Variants in ERC1 observed in about 807,000 individuals in gnomAD.
The protein encoded by ERC1 is RAB6 interacting protein 2.
Under a neutral mutation model 132.0 loss-of-function variants are expected in ERC1, and 56 were observed. The ratio of observed to expected loss-of-function variants is 0.42; its 90% CI spans 0.34 to 0.53. The LOEUF is 0.53. ERC1 is among the 20% of genes least tolerant of loss of function. ERC1 has a pLI of 0.03. For missense variants in ERC1, 1,202 were observed against 1,349.9 expected, an observed-to-expected ratio of 0.89 and a Z score of 1.72; for synonymous variants, 478 against 476.1, an observed-to-expected ratio of 1.00 and a Z score of -0.05.
rs576993909 is a variant in ERC1 at position 1,229,719 on chromosome 12, G to C, written c.2352-7050G>C. Among the ~76,000 whole-genome samples the C allele has an allele frequency of 3.3e-5, 5 of 152,116 alleles. No homozygotes were observed. In the South Asian group the frequency reaches 1.0e-3, roughly 32 times the overall value. The stretch of plus-strand genomic sequence containing the variant: ...TCTTTCTCAGTTATTCTAGCTCAAA[G>C]CTTGTCAATTTTGATTATCTTTTGA... On this transcript the variant is annotated intron_variant, in intron 12 of 18. Coordinates refer to ENST00000360905, the MANE Select transcript of ERC1 (RefSeq NM_178040.4).
At chr12:1,353,758 T>C (rs2085260083) in intron 15 of ERC1, among the ~76,000 whole-genome samples, 3 of 152,224 alleles carry the variant, frequency 2.0e-5, no homozygotes, top group Admixed American at 1.3e-4. Flanking sequence ...TATGATCTCT[T>C]TCCACTTGTT....
At position 1,141,631 on chromosome 12, in the gene ERC1, C is replaced by T. The variant is rs1481630473; in HGVS notation, c.1581C>T (p.Leu527=). 6.2e-7 allele frequency: 1 copy of T among 1,609,296 alleles called. No homozygotes were observed. Among genetic ancestry groups the T allele is most frequent in the African/African-American group, 1.3e-5 (1 of 74,814 alleles). Residue 527 remains leucine, a synonymous_variant, in exon 8 of 19, where the codon CTC becomes CTT. Transcript: ENST00000360905. ...TCCTACATTCTTAGGTGGATGCTCTCCGATTGCGTTTGGAAGAGAAGGAAA... is the reference window on the plus strand; with the variant it reads ...TCCTACATTCTTAGGTGGATGCTCTTCGATTGCGTTTGGAAGAGAAGGAAA... ...AAILQTEVDA[L]RLRLEEKETM...
intron 12 of ERC1, among the ~76,000 whole-genome samples, chr12:1,234,993 T>C (rs950541671): frequency 6.6e-6 from 1 of 152,234 alleles, no homozygotes; most frequent in African/African-American, 2.4e-5. Context: ...GGAATATCTT[T>C]ATGAACTTTG....
chr12:1,392,279 GA>G (rs1566752591), intron 16 of ERC1, among the ~76,000 whole-genome samples: 1 of 152,226 alleles, frequency 6.6e-6, no homozygotes, highest in African/African-American at 2.4e-5. Flanking sequence ...TTGATAGTGG[GA>G]GATGAGGAAT....
chr12:1,380,345 A>C (rs764339243), intron 16 of ERC1: 2 of 152,210 alleles, frequency 1.3e-5, no homozygotes, highest in Non-Finnish European at 1.5e-5. Context: ...CAGAAAGCGC[A>C]TGCATCCTCG....
At chr12:1,367,951 CTTTTTTTTTTTT>C (rs59027116) in intron 15 of ERC1, among the ~76,000 whole-genome samples, 5 of 118,550 alleles carry the variant, frequency 4.2e-5, no homozygotes, top group African/African-American at 1.6e-4. Context: ...CCACATTTTC[CTTTTTTTTTTTT>C]TTTTTTTTTT....
chr12:1,127,927 T>C (rs937461381), intron 7 of ERC1, among the ~76,000 whole-genome samples: 1 of 152,182 alleles, frequency 6.6e-6, no homozygotes, highest in Non-Finnish European at 1.5e-5. Flanking sequence ...AATCTAGTAC[T>C]ATCCTGAGAA....
chr12:1,326,723 A>G (rs2082469758), intron 15 of ERC1, among the ~76,000 whole-genome samples: 1 of 152,236 alleles, frequency 6.6e-6, no homozygotes, highest in South Asian at 2.1e-4. Context: ...GTTTATGAAT[A>G]GTTCACAGGG....
At chr12:1,067,906 G>A (rs1238017953) in intron 2 of ERC1, among the ~76,000 whole-genome samples, 5 of 145,194 alleles carry the variant, frequency 3.4e-5, no homozygotes, top group Non-Finnish European at 7.5e-5. Context: ...CAATTTTACT[G>A]TATTTCATTT....
At chr12:1,365,792 G>A (rs1196430962) in intron 15 of ERC1, among the ~76,000 whole-genome samples, 1 of 152,160 alleles carries the variant, frequency 6.6e-6, no homozygotes, top group East Asian at 1.9e-4. Flanking sequence ...AAAAATAGCA[G>A]CATAATACCT....
chr12:1,128,947 A>G (rs1948474503), intron 7 of ERC1, among the ~76,000 whole-genome samples: 1 of 152,194 alleles, frequency 6.6e-6, no homozygotes, highest in South Asian at 2.1e-4. Context: ...GCAATAGGAA[A>G]GATAGGAAGA....
intron 1 of ERC1, among the ~76,000 whole-genome samples, chr12:996,065 CTT>C (rs1333736420): frequency 2.0e-5 from 3 of 150,674 alleles, no homozygotes; most frequent in South Asian, 2.1e-4. Flanking sequence ...ATGTAAGAGT[CTT>C]TTAGTTTTTT....
chr12:1,268,373 C>T lies in ERC1; in HGVS notation c.2619+5208C>T, dbSNP rs563008262. ...CATTTAAAAAAATCTTGTGCTTTTC[C>T]AAATGCCACATTAAGCACTGAAAAT... On this transcript the variant is annotated intron_variant, in intron 14 of 18. Transcript: ENST00000360905. 8.7e-4 allele frequency among the ~76,000 whole-genome samples: 132 copies of T among 152,218 alleles called. 2 individuals are homozygous for T. The highest frequency in any genetic ancestry group is 3.4e-3 in the Middle Eastern group (1 of 294).
chr12:1,291,129 T>C (rs950724081), intron 15 of ERC1, among the ~76,000 whole-genome samples: 1 of 152,218 alleles, frequency 6.6e-6, no homozygotes, highest in Non-Finnish European at 1.5e-5. Context: ...TCATGGGACA[T>C]GATGATTGTG....
intron 15 of ERC1, among the ~76,000 whole-genome samples, chr12:1,344,165 T>C (rs1050704642): frequency 2.0e-5 from 3 of 152,240 alleles, no homozygotes; most frequent in African/African-American, 7.2e-5. Context: ...CATCTTTGTT[T>C]ATAAATAAAA....
rs1228420612 is a variant in ERC1 at position 1,062,859 on chromosome 12, ATAT to A, written c.670-20303_670-20301del. 7.2e-5 allele frequency among the ~76,000 whole-genome samples: 11 copies of A among 152,136 alleles called. No individual in the cohort carries two copies. The East Asian group carries it at 2.1e-3, about 29-fold the overall frequency. On this transcript the variant is annotated intron_variant, in intron 2 of 18. Coordinates refer to ENST00000360905, the MANE Select transcript of ERC1 (RefSeq NM_178040.4). ...GGGATCTATGTCTCTAGCTCTAATA[ATAT>A]TTGCTTTATAGCTGGGTGCTTTGGT...
chr12:1,233,818 G>T (rs73594002), intron 12 of ERC1, among the ~76,000 whole-genome samples: 8,119 of 152,144 alleles, frequency 0.053, 462 homozygotes, highest in African/African-American at 0.15. Context: ...GGATTTGAAG[G>T]ATCTGACAAT....
At chr12:1,099,231 G>T (rs1230685841) in intron 3 of ERC1, among the ~76,000 whole-genome samples, 1 of 152,128 alleles carries the variant, frequency 6.6e-6, no homozygotes, top group Non-Finnish European at 1.5e-5. Flanking sequence ...GAATGGGAGA[G>T]GGAGAGGAAG....
chr12:1,112,320 T>A lies in ERC1; in HGVS notation c.1401+22T>A, dbSNP rs756574053. 3 of 1,580,196 alleles carry A rather than the reference T, an allele frequency of 1.9e-6. No homozygotes were observed. In the Admixed American group the frequency reaches 5.0e-5, roughly 26 times the overall value. ...TGAGGTCTTTGCCGTAAGATTTACC[T>A]CTTTGTGTGCAGTGGTCCCACAGTG... On this transcript the variant is annotated intron_variant, in intron 6 of 18. Transcript: ENST00000360905.
Sources: allele counts gnomAD v4.1 joint callset (sites outside exome capture counted in the v4.1 genomes callset), GRCh38; gene constraint gnomAD v4.1.1; transcripts MANE v1.5; gene names NCBI Gene and HGNC (gene_info 2026-07-23, HGNC 2026-07-21).